JCAD: variants seen among roughly 807,000 people sequenced by gnomAD.
JCAD encodes junctional cadherin 5-associated protein.
In JCAD, 40 loss-of-function variants were observed where a neutral mutation model predicts 98.0. The ratio of observed to expected loss-of-function variants is 0.41; its 90% CI spans 0.32 to 0.53. The LOEUF (loss-of-function observed/expected upper bound fraction) is 0.53. Ranked by LOEUF, JCAD falls within the 20% of genes least tolerant of loss-of-function variation. The pLI is 0.31. For missense variants in JCAD, 1,705 were observed against 1,738.1 expected (o/e 0.98, Z 0.34); for synonymous variants, 691 against 682.3 (o/e 1.01, Z -0.20).
intron 1 of JCAD, among the ~76,000 whole-genome samples, chr10:30,055,130 C>T (rs1837543180): frequency 6.6e-6 from 1 of 152,118 alleles, no homozygotes; most frequent in Non-Finnish European, 1.5e-5. Context: ...TTCAGGAAGC[C>T]AAAATCACAT....
chr10:30,034,184 C>T (rs1837065439), intron 2 of JCAD, among the ~76,000 whole-genome samples: 1 of 152,026 alleles, frequency 6.6e-6, no homozygotes, highest in African/African-American at 2.4e-5. Context: ...GACCATGCCA[C>T]TGCACTCCAG....
chr10:30,113,466 G>C (rs1045412932), intron 1 of JCAD, among the ~76,000 whole-genome samples: 1 of 140,900 alleles, frequency 7.1e-6, no homozygotes, highest in African/African-American at 2.7e-5. Flanking sequence ...GAGGAGAATC[G>C]CTTGAACCCA....
At chr10:30,084,246 A>C (rs996720313) in intron 1 of JCAD, among the ~76,000 whole-genome samples, 4 of 152,152 alleles carry the variant, frequency 2.6e-5, no homozygotes, top group Admixed American at 1.3e-4. Context: ...GAAAATATGC[A>C]AATAGGCAAA....
At chr10:30,075,680 C>T (rs750901391) in intron 1 of JCAD, among the ~76,000 whole-genome samples, 17 of 152,296 alleles carry the variant, frequency 1.1e-4, no homozygotes, top group African/African-American at 1.9e-4. Context: ...CACCAGCAGA[C>T]GCCAACCTGT....
intron 1 of JCAD, among the ~76,000 whole-genome samples, chr10:30,092,606 G>A (rs1203828579): frequency 6.6e-6 from 1 of 152,146 alleles, no homozygotes; most frequent in East Asian, 1.9e-4. Context: ...GTCGCTTAGA[G>A]TCTTCCACAA....
chr10:30,086,464 A>C (rs1197361925), intron 1 of JCAD, among the ~76,000 whole-genome samples: 3 of 152,228 alleles, frequency 2.0e-5, no homozygotes, highest in Non-Finnish European at 4.4e-5. Context: ...CAGTTGACAG[A>C]AGGTGGAAAG....
At chr10:30,025,925 T>C (rs918083295) in intron 3 of JCAD, 178 bp downstream of exon 3, 1 of 728,538 alleles carries the variant, frequency 1.4e-6, no homozygotes, top group African/African-American at 1.8e-5. Context: ...TCTTGAATTT[T>C]AAAGATGGCT....
intron 1 of JCAD, among the ~76,000 whole-genome samples, chr10:30,087,024 T>A (rs1369588050): frequency 1.3e-5 from 2 of 152,098 alleles, no homozygotes; most frequent in African/African-American, 4.8e-5. Flanking sequence ...CCTTCCCAAT[T>A]AAGCACGTAG....
chr10:30,091,494 G>A (rs958998169), intron 1 of JCAD, among the ~76,000 whole-genome samples: 19 of 151,708 alleles, frequency 1.3e-4, no homozygotes, highest in African/African-American at 4.6e-4. Flanking sequence ...TGAACTCCTG[G>A]GCTTAAGCAA....
intron 1 of JCAD, among the ~76,000 whole-genome samples, chr10:30,088,655 A>G (rs1359140745): frequency 2.6e-5 from 4 of 152,174 alleles, no homozygotes; most frequent in Non-Finnish European, 4.4e-5. Context: ...TATCCCAAGG[A>G]GAGAGGCAGA....
rs767000019 is a variant in JCAD, at chr10:30,029,286, T to C, written c.862A>G (p.Lys288Glu). 42 of 1,613,974 alleles carry C rather than the reference T, an allele frequency of 2.6e-5. No individual in the cohort carries two copies. In the South Asian group the frequency reaches 3.8e-4, roughly 15 times the overall value. Reference protein sequence around the residue: ...SGCSAPFPRPKFGRPLKPPSY... With the variant: ...SGCSAPFPRPEFGRPLKPPSY... ...GGGGGCTTGAGGGGCCTCCCAAACT[T>C]AGGCCGGGGAAATGGGGCTGAGCAG... Residue 288 changes from lysine (K) to glutamate (E), a missense_variant, in exon 3 of 4, where the codon AAG (lysine) becomes GAG (glutamate). Physicochemically the swap from Lys to Glu is moderately conservative, Grantham distance 56. Coordinates refer to ENST00000375377, the MANE Select transcript of JCAD (RefSeq NM_020848.4).
At chr10:30,055,573 A>C (rs1837554336) in intron 1 of JCAD, among the ~76,000 whole-genome samples, 1 of 152,238 alleles carries the variant, frequency 6.6e-6, no homozygotes, top group African/African-American at 2.4e-5. Context: ...CTGGGACACC[A>C]AGTTCTCACA....
At chr10:30,092,064 A>AT (rs1447017693) in intron 1 of JCAD, among the ~76,000 whole-genome samples, 45 of 18,996 alleles carry the variant, frequency 2.4e-3, no homozygotes, top group South Asian at 4.4e-3. Context: ...AAAAAAAAAA[A>AT]ATATATATAT....
At chr10:30,067,328 T>G (rs190097913) in intron 2 of JCAD, among the ~76,000 whole-genome samples, 13 of 143,306 alleles carry the variant, frequency 9.1e-5, no homozygotes, top group Non-Finnish European at 1.4e-4. Context: ...CTTTTTTCTG[T>G]TTTTTTTTTG....
chr10:30,054,740 C>T (rs2132652227), intron 1 of JCAD, among the ~76,000 whole-genome samples: 1 of 151,112 alleles, frequency 6.6e-6, no homozygotes, highest in South Asian at 2.1e-4. Flanking sequence ...GCAATCTCGG[C>T]TCACTGCAGG....
At chr10:30,082,861 A>G (rs1332794333) in intron 1 of JCAD, among the ~76,000 whole-genome samples, 1 of 142,194 alleles carries the variant, frequency 7.0e-6, no homozygotes, top group African/African-American at 2.9e-5. Flanking sequence ...CAAAAAAAAA[A>G]AAAAAAAAAA....
At position 30,047,008 on chromosome 10, in the gene JCAD, G is replaced by A. The variant is rs550407680; in HGVS notation, c.281+524C>T. On this transcript the variant is annotated intron_variant, in intron 2 of 3. Coordinates refer to ENST00000375377, the MANE Select transcript of JCAD (RefSeq NM_020848.4). Reference sequence around the variant, plus strand: ...AGGCTGAGGTGGGAGAATCACTTGAGCCCAGGAGGTCAAGGCTGCAGTGAG... The same window carrying A: ...AGGCTGAGGTGGGAGAATCACTTGAACCCAGGAGGTCAAGGCTGCAGTGAG... Among the ~76,000 whole-genome samples the A allele has an allele frequency of 2.0e-4, 30 of 152,114 alleles. No homozygotes were observed. In the East Asian group the frequency reaches 5.8e-3, roughly 29 times the overall value.
At chr10:30,092,101 T>A (rs2995276) in intron 1 of JCAD, among the ~76,000 whole-genome samples, 3,384 of 12,430 alleles carry the variant, frequency 0.27, 496 homozygotes, top group Middle Eastern at 0.61. Context: ...AGTTACTTTA[T>A]ATATATATAT....
chr10:30,013,533 A>G lies in JCAD; in HGVS notation c.*4350T>C, dbSNP rs1836469180. 6.6e-6 allele frequency: 1 copy of G among 152,166 alleles called. No individual in the cohort carries two copies. Among genetic ancestry groups the G allele is most frequent in the Non-Finnish European group, 1.5e-5 (1 of 68,048 alleles). 9.4% of individuals were successfully genotyped at this position (152,166 alleles called of 1,614,324 possible). A position where few individuals can be genotyped will look rare whatever the true frequency, so the allele number is the denominator to read the frequency against. ...GGTTTTCATTTCTGTTTGCTGCCAT[A>G]TGCTTCTCAACTTGAACTTGCCTTT... On this transcript the variant is annotated 3_prime_UTR_variant, in exon 4 of 4. Coordinates refer to ENST00000375377, the MANE Select transcript of JCAD (RefSeq NM_020848.4).
Sources: gnomAD v4.1 joint callset for allele counts (sites outside exome capture counted in the v4.1 genomes callset) on GRCh38, gnomAD v4.1.1 for gene constraint, MANE v1.5 for transcripts, NCBI Gene and HGNC (gene_info 2026-07-23, HGNC 2026-07-21) for gene names.